The following SIK3 variants were observed in gnomAD, a reference collection of about 807,000 sequenced individuals.
The protein encoded by SIK3 is serine/threonine-protein kinase SIK3.
SIK3 carries 28 observed loss-of-function variants against 144.2 expected under a neutral mutation model. That is an observed-to-expected ratio of 0.19 (90% CI 0.14 to 0.27). The LOEUF is 0.27. Ranked by LOEUF, SIK3 falls within the 10% of genes least tolerant of loss-of-function variation. SIK3 has a pLI of 1.00. For missense variants in SIK3, 1,319 were observed against 1,776.0 expected (o/e 0.74, Z 4.62); for synonymous variants, 686 against 676.3 (o/e 1.01, Z -0.22).
chr11:116,929,329 A>G (rs915594840), intron 3 of SIK3, among the ~76,000 whole-genome samples: 1 of 152,248 alleles, frequency 6.6e-6, no homozygotes, highest in African/African-American at 2.4e-5. Context: ...GTTTACCATC[A>G]GAAGCTCATT....
chr11:117,065,086 T>C (rs1437965475), intron 1 of SIK3, among the ~76,000 whole-genome samples: 1 of 151,750 alleles, frequency 6.6e-6, no homozygotes, highest in Non-Finnish European at 1.5e-5. Flanking sequence ...CAGGCAGAGG[T>C]TGCAGCGAGC....
intron 1 of SIK3, 136 bp downstream of exon 1, chr11:117,098,007 C>T (rs2134120535): frequency 2.0e-5 from 23 of 1,130,090 alleles, no homozygotes; most frequent in Non-Finnish European, 2.5e-5. Context: ...CCCGCCGCGG[C>T]TGGCTCCCTC....
At chr11:117,027,311 C>A (rs1952053347) in intron 1 of SIK3, among the ~76,000 whole-genome samples, 1 of 152,176 alleles carries the variant, frequency 6.6e-6, no homozygotes, top group South Asian at 2.1e-4. Flanking sequence ...TTAGAAAAGT[C>A]AAACCACATT....
At chr11:117,041,134 G>A (rs910320044) in intron 1 of SIK3, among the ~76,000 whole-genome samples, 4 of 151,912 alleles carry the variant, frequency 2.6e-5, no homozygotes, top group Admixed American at 6.5e-5. Flanking sequence ...TGTAAAAAGA[G>A]AGAATTCAGA....
chr11:117,061,142 G>A (rs1953772926), intron 1 of SIK3, among the ~76,000 whole-genome samples: 2 of 152,146 alleles, frequency 1.3e-5, no homozygotes, highest in South Asian at 4.1e-4. Context: ...AGCTACTCAG[G>A]AGGCTGAGGC....
At chr11:117,022,248 T>C (rs1449102889) in intron 1 of SIK3, among the ~76,000 whole-genome samples, 1 of 151,858 alleles carries the variant, frequency 6.6e-6, no homozygotes, top group Non-Finnish European at 1.5e-5. Context: ...ATTTTCTCTA[T>C]TGATTAAGGT....
intron 3 of SIK3, 119 bp downstream of exon 3, chr11:116,953,925 C>A: frequency 3.0e-6 from 2 of 656,334 alleles, no homozygotes; most frequent in Non-Finnish European, 5.2e-6. Flanking sequence ...TAGAAAATGG[C>A]AGGATTGAAG....
intron 16 of SIK3, among the ~76,000 whole-genome samples, chr11:116,862,828 C>T (rs1943423437): frequency 6.6e-6 from 1 of 152,186 alleles, no homozygotes; most frequent in African/African-American, 2.4e-5. Context: ...AATCCTAGCA[C>T]TTTGGGAGGC....
At chr11:117,093,671 T>TTA (rs1372660633) in intron 1 of SIK3, among the ~76,000 whole-genome samples, 18 of 136,484 alleles carry the variant, frequency 1.3e-4, no homozygotes, top group African/African-American at 4.3e-4. Context: ...CATTGCTATT[T>TTA]AAAAAAAAAA....
At chr11:116,984,706 C>CACACACACACA (rs11440261) in intron 1 of SIK3, among the ~76,000 whole-genome samples, 27 of 151,916 alleles carry the variant, frequency 1.8e-4, no homozygotes, top group Non-Finnish European at 2.1e-4. Flanking sequence ...CACACACACA[C>CACACACACACA]CACAGACACC....
chr11:117,089,609 G>A (rs1955158211), intron 1 of SIK3, among the ~76,000 whole-genome samples: 1 of 152,110 alleles, frequency 6.6e-6, no homozygotes, highest in Admixed American at 6.6e-5. Flanking sequence ...CTCAAGAAAT[G>A]TGGGCAACTA....
At chr11:117,086,539 A>C (rs2134048910) in intron 1 of SIK3, among the ~76,000 whole-genome samples, 1 of 152,078 alleles carries the variant, frequency 6.6e-6, no homozygotes. Context: ...AAATACAAAA[A>C]AATTAGCCGG....
intron 1 of SIK3, among the ~76,000 whole-genome samples, chr11:117,061,329 T>G (rs1226399268): frequency 2.6e-5 from 4 of 151,690 alleles, no homozygotes; most frequent in African/African-American, 7.3e-5. Flanking sequence ...ATAATGTCTG[T>G]TGTGTGTGTG....
At chr11:117,064,161 A>C (rs1006791822) in intron 1 of SIK3, among the ~76,000 whole-genome samples, 1 of 152,208 alleles carries the variant, frequency 6.6e-6, no homozygotes, top group African/African-American at 2.4e-5. Context: ...AGGGTCATTC[A>C]TGTACTGAGA....
At chr11:116,987,957 A>C (rs1216320073) in intron 1 of SIK3, among the ~76,000 whole-genome samples, 1 of 152,240 alleles carries the variant, frequency 6.6e-6, no homozygotes, top group African/African-American at 2.4e-5. Context: ...TGAGGTATGT[A>C]AAGGACGTTA....
chr11:116,890,819 C>T (rs946002886), intron 6 of SIK3, among the ~76,000 whole-genome samples: 7 of 151,824 alleles, frequency 4.6e-5, no homozygotes, highest in Non-Finnish European at 8.8e-5. Flanking sequence ...GTTCAGGGAA[C>T]GAGAAGAAAA....
intron 1 of SIK3, among the ~76,000 whole-genome samples, chr11:117,019,830 G>A (rs193236544): frequency 3.2e-4 from 49 of 152,050 alleles, no homozygotes; most frequent in Admixed American, 2.6e-3. Flanking sequence ...TCCAGGAGGC[G>A]GAGGTTTCAG....
At chr11:116,979,889 T>G (rs141562840) in intron 1 of SIK3, among the ~76,000 whole-genome samples, 1 of 152,112 alleles carries the variant, frequency 6.6e-6, no homozygotes, top group Non-Finnish European at 1.5e-5. Flanking sequence ...GCATAAGGCA[T>G]AAGGGATCCT....
chr11:116,847,836 AT>A (rs1942108529), intron 22 of SIK3, among the ~76,000 whole-genome samples: 2 of 152,132 alleles, frequency 1.3e-5, no homozygotes, highest in South Asian at 4.1e-4. Flanking sequence ...GATGTGGCAA[AT>A]CTCAGCTGGT....
Sources: allele counts gnomAD v4.1 joint callset (sites outside exome capture counted in the v4.1 genomes callset), GRCh38; gene constraint gnomAD v4.1.1; transcripts MANE v1.5; gene names NCBI Gene and HGNC (gene_info 2026-07-23, HGNC 2026-07-21).